ZNF229: variants seen among roughly 807,000 people sequenced by gnomAD.
ZNF229 encodes zinc finger protein 229.
ZNF229 carries 10 observed loss-of-function variants against 11.8 expected under a neutral mutation model. The observed-to-expected ratio is 0.85, with a 90% CI of 0.52 to 1.44. ZNF229 has a LOEUF of 1.44. Ranked by LOEUF, ZNF229 falls within the 40% of genes most tolerant of loss-of-function variation. The pLI, the probability that ZNF229 is intolerant of heterozygous loss-of-function variation, is 0.00. For synonymous variants in ZNF229, 368 were observed against 374.8 expected, an observed-to-expected ratio of 0.98 and a Z score of 0.21; for missense variants, 1,045 against 1,015.1, an observed-to-expected ratio of 1.03 and a Z score of -0.40.
At chr19:44,446,716 G>A (rs1265508493) in intron 2 of ZNF229, among the ~76,000 whole-genome samples, 1 of 152,182 alleles carries the variant, frequency 6.6e-6, no homozygotes, top group East Asian at 1.9e-4. Context: ...AATTAAGATG[G>A]AAAAGGTAAT....
chr19:44,440,969 C>A (rs1971898978), intron 4 of ZNF229, among the ~76,000 whole-genome samples: 1 of 152,112 alleles, frequency 6.6e-6, no homozygotes, highest in African/African-American at 2.4e-5. Flanking sequence ...AAGTGATCCG[C>A]ATGCCTCAGC....
At position 44,428,129 on chromosome 19, in the gene ZNF229, G is replaced by T; in HGVS notation, c.*174C>A. 1.5e-6 allele frequency: 1 copy of T among 673,760 alleles called. No individual in the cohort carries two copies. Among genetic ancestry groups the T allele is most frequent in the Non-Finnish European group, 2.4e-6 (1 of 411,328 alleles). The allele number at this position is 673,760 out of a possible 1,614,324, so 41.7% of individuals were successfully genotyped here. A position where few individuals can be genotyped will look rare whatever the true frequency, so the allele number is the denominator to read the frequency against. On this transcript the variant is annotated 3_prime_UTR_variant, in exon 6 of 6. Coordinates refer to ENST00000614049, the MANE Select transcript of ZNF229 (RefSeq NM_014518.4). ...AAAGACTGAAGTTTGTAACTGAAGT[G>T]CTAACCTATTTATCACACATCCAGG...
intron 5 of ZNF229, chr19:44,431,812 T>A (rs1427373321): frequency 1.0e-6 from 1 of 988,934 alleles, no homozygotes; most frequent in Admixed American, 6.1e-5. Flanking sequence ...ACCCCAGTCT[T>A]CAAAAATTCC....
intron 4 of ZNF229, among the ~76,000 whole-genome samples, chr19:44,432,679 G>A (rs1025084880): frequency 5.3e-5 from 8 of 151,626 alleles, no homozygotes; most frequent in Non-Finnish European, 7.4e-5. Flanking sequence ...ATCACACACC[G>A]GGGACTGTTG....
Position 44,429,657 on chromosome 19 carries a change from C to A in ZNF229, c.1124G>T (p.Arg375Ile). The A allele has an allele frequency of 6.2e-7, 1 of 1,614,094 alleles. No individual in the cohort carries two copies. The highest frequency in any genetic ancestry group is 2.2e-5 in the East Asian group (1 of 44,888). Residue 375 changes from arginine to isoleucine, a missense_variant, in exon 6 of 6, where the codon AGA becomes ATA. Transcript: ENST00000614049. ...CCCACACTCCTCACATTTATAGGGTCTCCTTCCTGTGTGCACCCCTTGATG... is the reference window on the plus strand; with the variant it reads ...CCCACACTCCTCACATTTATAGGGTATCCTTCCTGTGTGCACCCCTTGATG... ...LIHQGVHTGR[R>I]PYKCEECGKA...
intron 4 of ZNF229, among the ~76,000 whole-genome samples, chr19:44,439,760 A>G (rs1971875899): frequency 6.6e-6 from 1 of 152,156 alleles, no homozygotes; most frequent in Non-Finnish European, 1.5e-5. Flanking sequence ...CCTTTTTAAA[A>G]AGAAGGTAAC....
intron 4 of ZNF229, among the ~76,000 whole-genome samples, chr19:44,438,144 A>G (rs1252197477): frequency 3.3e-5 from 5 of 152,220 alleles, no homozygotes; most frequent in African/African-American, 4.8e-5. Context: ...AGATTGAGAG[A>G]AAATAATTAT....
intron 4 of ZNF229, among the ~76,000 whole-genome samples, chr19:44,438,514 T>C (rs1020917843): frequency 5.9e-5 from 9 of 152,206 alleles, no homozygotes; most frequent in African/African-American, 2.2e-4. Flanking sequence ...TTGGTCTCTG[T>C]GGCATATAAC....
chr19:44,437,112 A>G (rs930222316), intron 4 of ZNF229, among the ~76,000 whole-genome samples: 2 of 152,122 alleles, frequency 1.3e-5, no homozygotes, highest in African/African-American at 4.8e-5. Context: ...ACAAAAATAA[A>G]TTACAGTTAT....
At chr19:44,445,058 A>C (rs1163412722) in intron 2 of ZNF229, among the ~76,000 whole-genome samples, 1 of 152,228 alleles carries the variant, frequency 6.6e-6, no homozygotes. Context: ...TCAAAAGAAA[A>C]GTCCAGATTT....
chr19:44,430,914 C>T (rs1971712700), intron 5 of ZNF229, among the ~76,000 whole-genome samples: 1 of 152,152 alleles, frequency 6.6e-6, no homozygotes, highest in African/African-American at 2.4e-5. Context: ...TGACTTAAAC[C>T]TCAGAATAAT....
intron 4 of ZNF229, among the ~76,000 whole-genome samples, chr19:44,433,550 C>A (rs545312839): frequency 6.6e-6 from 1 of 151,892 alleles, no homozygotes; most frequent in African/African-American, 2.4e-5. Context: ...TACCTCTACC[C>A]CCGCCCCCCA....
Position 44,428,315 on chromosome 19 carries a change from G to A in ZNF229, c.2466C>T (p.Asn822=), listed in dbSNP as rs748648441. The A allele has an allele frequency of 7.5e-6, 12 of 1,610,484 alleles. No homozygotes were observed. Among genetic ancestry groups the A allele is most frequent in the African/African-American group, 1.3e-5 (1 of 74,790 alleles). The change falls in exon 6 of 6, where the codon AAC becomes AAT. Residue 822 remains asparagine, a synonymous_variant. Transcript: ENST00000614049. ...CCTCTATGTACATCTACTTATAAGG[G>A]TTCTCGCCTAAATGCACTCTTTGGT... ...RNHQRVHLGE[N]PYK
chr19:44,428,745 G>T lies in ZNF229; in HGVS notation c.2036C>A (p.Thr679Lys). The T allele has an allele frequency of 6.2e-7, 1 of 1,613,816 alleles. No individual in the cohort carries two copies. Among genetic ancestry groups the T allele is most frequent in the Non-Finnish European group, 8.5e-7 (1 of 1,179,986 alleles). ...SSLHKHQRVH[T>K]GKKPYTCDQC... ...ATCACACGTATAGGGCTTTTTTCCC[G>T]TGTGGACTCGCTGATGTTTGTGAAG... Residue 679 changes from threonine to lysine, a missense_variant, in exon 6 of 6, where the codon ACG becomes AAG. Coordinates refer to ENST00000614049, the MANE Select transcript of ZNF229 (RefSeq NM_014518.4).
Position 44,432,328 on chromosome 19 carries a change from A to C in ZNF229, c.132T>G (p.Thr44=). 2 of 1,613,706 alleles carry C rather than the reference A, an allele frequency of 1.2e-6. No individual in the cohort carries two copies. Among genetic ancestry groups the C allele is most frequent in the Non-Finnish European group, 1.7e-6 (2 of 1,179,934 alleles). ...LSFKDVAVVF[T]EEELELLDST... is the part of the protein sequence containing the mutation. Reference sequence around the variant, plus strand: ...AGTCCAGCAGCTCTAGCTCCTCCTCAGTGAAGACCACAGCCACGTCCTTGA... The same window carrying C: ...AGTCCAGCAGCTCTAGCTCCTCCTCCGTGAAGACCACAGCCACGTCCTTGA... Residue 44 remains threonine, a synonymous_variant, in exon 5 of 6, where the codon ACT becomes ACG. Coordinates refer to ENST00000614049, the MANE Select transcript of ZNF229 (RefSeq NM_014518.4).
At position 44,442,849 on chromosome 19, in the gene ZNF229, G is replaced by T; in HGVS notation, c.-2C>A. ...ATGCCTTGAGGTCAAAGTCTCCATG[G>T]TCTCTTCTGCTAGGTTCTCTGCGAG... On this transcript the variant is annotated 5_prime_UTR_variant, in exon 3 of 6. Transcript: ENST00000614049. 6.2e-7 allele frequency: 1 copy of T among 1,611,630 alleles called. No individual in the cohort carries two copies. Among genetic ancestry groups the T allele is most frequent in the Non-Finnish European group, 8.5e-7 (1 of 1,179,672 alleles).
chr19:44,441,451 CAT>C (rs1262658881), intron 4 of ZNF229, among the ~76,000 whole-genome samples: 3 of 152,056 alleles, frequency 2.0e-5, no homozygotes, highest in Non-Finnish European at 2.9e-5. Flanking sequence ...GTTGAAAAAA[CAT>C]ACTTAAAATT....
chr19:44,431,841 CCCAACGTGATA>C (rs1322394038), intron 5 of ZNF229: 1 of 984,808 alleles, frequency 1.0e-6, no homozygotes, highest in Non-Finnish European at 1.2e-6. Context: ...AATCCTAAAT[CCCAACGTGATA>C]CCATTAGGAG....
intron 2 of ZNF229, among the ~76,000 whole-genome samples, chr19:44,445,546 C>G (rs1419851285): frequency 6.6e-6 from 1 of 152,182 alleles, no homozygotes; most frequent in African/African-American, 2.4e-5. Flanking sequence ...CCTTTTTCAT[C>G]AGATGCCTGC....
Sources: allele counts gnomAD v4.1 joint callset (sites outside exome capture counted in the v4.1 genomes callset), GRCh38; gene constraint gnomAD v4.1.1; transcripts MANE v1.5; gene names NCBI Gene and HGNC (gene_info 2026-07-23, HGNC 2026-07-21).